Variants in XKR9 observed in about 807,000 individuals in gnomAD.
XKR9 encodes the protein XK-related protein 9.
In XKR9, 32 loss-of-function variants were observed where a neutral mutation model predicts 32.0. The observed-to-expected ratio is 1.00, with a 90% confidence interval of 0.76 to 1.34. XKR9 has a LOEUF of 1.34. Ranked by LOEUF, XKR9 falls within the 40% of genes most tolerant of loss-of-function variation. The pLI is 0.00. For missense variants in XKR9, 546 were observed against 429.7 expected (o/e 1.27, Z -2.39); for synonymous variants, 168 against 143.4 (o/e 1.17, Z -1.22).
At chr8:70,820,210 A>G in the XKR9 span, among the ~76,000 whole-genome samples, 1 of 152,230 alleles carries the variant, frequency 6.6e-6, no homozygotes, top group Non-Finnish European at 1.5e-5. Context: ...CACAGAGAAG[A>G]ATCTGAACCT....
intron 3 of XKR9, among the ~76,000 whole-genome samples, chr8:70,695,367 C>T (rs1408571134): frequency 7.9e-6 from 1 of 126,826 alleles, no homozygotes; most frequent in African/African-American, 2.9e-5. Context: ...GTGATGTTCC[C>T]CTTCCTGTGT....
the XKR9 span, among the ~76,000 whole-genome samples, chr8:70,828,660 T>C: frequency 1.3e-5 from 2 of 149,198 alleles, no homozygotes; most frequent in South Asian, 4.3e-4. Flanking sequence ...GAGGTGGAGG[T>C]TGCAGTGAGC....
the XKR9 span, among the ~76,000 whole-genome samples, chr8:70,896,701 G>A: frequency 1.3e-5 from 2 of 151,038 alleles, no homozygotes; most frequent in African/African-American, 4.9e-5. Flanking sequence ...CCTTCTTTCT[G>A]CTTGGTTTGG....
At chr8:70,731,650 C>T (rs1042786313) in intron 4 of XKR9, among the ~76,000 whole-genome samples, 2 of 152,164 alleles carry the variant, frequency 1.3e-5, no homozygotes, top group Non-Finnish European at 2.9e-5. Context: ...CCCCTGTTGT[C>T]TTTGATCTCC....
chr8:70,759,989 C>T (rs1807286241), intron 2 of XKR9, among the ~76,000 whole-genome samples: 1 of 152,132 alleles, frequency 6.6e-6, no homozygotes, highest in Non-Finnish European at 1.5e-5. Context: ...AGTGTTCTAA[C>T]TTGTCTGTTT....
downstream of XKR9, among the ~76,000 whole-genome samples, chr8:70,740,298 A>C (rs1338996525): frequency 6.6e-6 from 1 of 151,840 alleles, no homozygotes; most frequent in Non-Finnish European, 1.5e-5. Context: ...GTAGTTCTCG[A>C]GCCTTGGTTT....
In XKR9 at chr8:70,734,462, T is replaced by G; in HGVS notation, c.*38T>G. The G allele has an allele frequency of 6.9e-7, 1 of 1,457,066 alleles. No individual in the cohort carries two copies. The highest frequency in any genetic ancestry group is 9.0e-7 in the Non-Finnish European group (1 of 1,115,354). The allele number at this position is 1,457,066 out of a possible 1,614,324, so 90.3% of individuals were successfully genotyped here. A position where few individuals can be genotyped will look rare whatever the true frequency, so the allele number is the denominator to read the frequency against. On this transcript the variant is annotated 3_prime_UTR_variant, in exon 5 of 5. Coordinates refer to ENST00000408926, the MANE Select transcript of XKR9 (RefSeq NM_001011720.2). ...TGATATATATTTTCTTATATTTTGT[T>G]TCATTGGTTAGTAAAGAAAATGTGT...
the XKR9 span, among the ~76,000 whole-genome samples, chr8:71,022,436 A>T: frequency 2.0e-5 from 3 of 152,070 alleles, no homozygotes; most frequent in African/African-American, 7.2e-5. Context: ...AGAATTTTAA[A>T]TATATTATCC....
chr8:70,855,686 A>G, the XKR9 span, among the ~76,000 whole-genome samples: 1 of 152,266 alleles, frequency 6.6e-6, no homozygotes, highest in Non-Finnish European at 1.5e-5. Context: ...CAGATTCACC[A>G]AAGTTGAAAT....
At chr8:70,995,859 G>T in the XKR9 span, among the ~76,000 whole-genome samples, 3 of 152,022 alleles carry the variant, frequency 2.0e-5, no homozygotes, top group Admixed American at 6.6e-5. Flanking sequence ...ACTTATAAAG[G>T]CCTGTTTCTT....
At chr8:70,931,281 AT>A in the XKR9 span, among the ~76,000 whole-genome samples, 1 of 152,158 alleles carries the variant, frequency 6.6e-6, no homozygotes, top group African/African-American at 2.4e-5. Flanking sequence ...TGGAATCATA[AT>A]CAGAAGGTTA....
At chr8:70,994,432 C>T in the XKR9 span, among the ~76,000 whole-genome samples, 2 of 152,028 alleles carry the variant, frequency 1.3e-5, no homozygotes, top group African/African-American at 4.8e-5. Context: ...TATTACATTT[C>T]ACTTTCTTCT....
chr8:70,975,773 G>A, the XKR9 span, among the ~76,000 whole-genome samples: 558 of 152,216 alleles, frequency 3.7e-3, 3 homozygotes, highest in Middle Eastern at 0.037. Flanking sequence ...TTCCAATTCT[G>A]TGAAGAAAGT....
chr8:71,063,179 C>G, the XKR9 span, among the ~76,000 whole-genome samples: 1 of 152,100 alleles, frequency 6.6e-6, no homozygotes, highest in African/African-American at 2.4e-5. Context: ...TAACTGCAAA[C>G]TGGAAGATGA....
the XKR9 span, among the ~76,000 whole-genome samples, chr8:70,857,599 T>A: frequency 6.6e-6 from 1 of 152,162 alleles, no homozygotes; most frequent in Non-Finnish European, 1.5e-5. Context: ...GAGGGAATCC[T>A]CCCTAACTTA....
Position 70,734,383 on chromosome 8 carries a change from G to A in XKR9, c.1081G>A (p.Val361Ile), listed in dbSNP as rs1287722619. The A allele has an allele frequency of 6.2e-7, 1 of 1,605,324 alleles. No homozygotes were observed. Among genetic ancestry groups the A allele is most frequent in the Non-Finnish European group, 8.5e-7 (1 of 1,178,304 alleles). The change falls in exon 5 of 5, where the codon GTT (valine) becomes ATT (isoleucine). Residue 361 changes from valine to isoleucine, a missense_variant. Val to Ile is a conservative substitution (Grantham distance 29). Transcript: ENST00000408926. ...ATGTGATGAAATTGATGGAAAACCA[G>A]TTCTAAGAGAATGTAGAATGAGATA... ...TKCDEIDGKP[V>I]LRECRMRYFL...
At chr8:70,765,246 C>T (rs1462033661) in intron 2 of XKR9, among the ~76,000 whole-genome samples, 1 of 152,212 alleles carries the variant, frequency 6.6e-6, no homozygotes, top group African/African-American at 2.4e-5. Flanking sequence ...ACATCCTCTT[C>T]AGCATCTGCT....
chr8:70,694,759 G>A (rs911051779), intron 3 of XKR9, among the ~76,000 whole-genome samples: 22 of 152,332 alleles, frequency 1.4e-4, no homozygotes, highest in African/African-American at 5.3e-4. Flanking sequence ...GTGGAAATGG[G>A]GCCTGTGGGC....
At chr8:70,851,914 A>G in the XKR9 span, among the ~76,000 whole-genome samples, 1 of 152,224 alleles carries the variant, frequency 6.6e-6, no homozygotes, top group South Asian at 2.1e-4. Context: ...AATTGCAACA[A>G]AAGCCAAAAT....
Sources: gnomAD v4.1 joint callset for allele counts (sites outside exome capture counted in the v4.1 genomes callset) on GRCh38, gnomAD v4.1.1 for gene constraint, MANE v1.5 for transcripts, NCBI Gene and HGNC (gene_info 2026-07-23, HGNC 2026-07-21) for gene names.